Variants in SPRED1 observed in about 807,000 individuals in gnomAD.
SPRED1 encodes sprouty-related, EVH1 domain-containing protein 1.
SPRED1 carries 18 observed loss-of-function variants against 52.3 expected under a neutral mutation model. The ratio of observed to expected loss-of-function variants is 0.34; its 90% confidence interval spans 0.24 to 0.51. The LOEUF (loss-of-function observed/expected upper bound fraction) is 0.51. Ranked by LOEUF, SPRED1 falls within the 20% of genes least tolerant of loss-of-function variation. The probability of loss-of-function intolerance (pLI) is 0.97; values close to 1 mark genes in which losing one functional copy is unlikely to be tolerated. For missense variants in SPRED1, 485 were observed against 551.0 expected, an observed-to-expected ratio of 0.88 and a Z score of 1.20; for synonymous variants, 155 against 179.7, an observed-to-expected ratio of 0.86 and a Z score of 1.10.
At chr15:38,346,984 C>T (rs1000156833) in intron 5 of SPRED1, among the ~76,000 whole-genome samples, 2 of 152,102 alleles carry the variant, frequency 1.3e-5, no homozygotes, top group Admixed American at 6.6e-5. Context: ...ATTCTGGATT[C>T]AGATCTTTCT....
chr15:38,320,924 C>T (rs182554497), intron 2 of SPRED1, among the ~76,000 whole-genome samples: 28 of 152,200 alleles, frequency 1.8e-4, no homozygotes, highest in African/African-American at 5.5e-4. Context: ...TATAACTGTC[C>T]TGGAATGGAT....
chr15:38,271,918 A>G (rs1894443091), intron 1 of SPRED1, among the ~76,000 whole-genome samples: 2 of 152,076 alleles, frequency 1.3e-5, no homozygotes, highest in Non-Finnish European at 1.5e-5. Flanking sequence ...CCTTCCTGCC[A>G]TATAGTAGTC....
chr15:38,315,030 G>A (rs1895448541), intron 2 of SPRED1, among the ~76,000 whole-genome samples: 1 of 151,778 alleles, frequency 6.6e-6, no homozygotes, highest in African/African-American at 2.4e-5. Flanking sequence ...GTAAAAACAT[G>A]TATTTGATAA....
intron 2 of SPRED1, among the ~76,000 whole-genome samples, chr15:38,300,484 T>C (rs1177537680): frequency 1.3e-5 from 2 of 152,186 alleles, no homozygotes; most frequent in Non-Finnish European, 2.9e-5. Context: ...ATGAACAGTT[T>C]GAATATGACT....
chr15:38,309,206 TCTTGG>T (rs1895312988), intron 2 of SPRED1, among the ~76,000 whole-genome samples: 1 of 152,186 alleles, frequency 6.6e-6, no homozygotes, highest in African/African-American at 2.4e-5. Flanking sequence ...AGTGGCGTGA[TCTTGG>T]CTCGCTACAA....
At chr15:38,336,584 A>G (rs1027259110) in intron 4 of SPRED1, among the ~76,000 whole-genome samples, 4 of 151,510 alleles carry the variant, frequency 2.6e-5, no homozygotes, top group African/African-American at 9.7e-5. Flanking sequence ...CACACACACT[A>G]TGGAATACTA....
At chr15:38,316,746 A>ATT (rs1566865507) in intron 2 of SPRED1, among the ~76,000 whole-genome samples, 1 of 13,548 alleles carries the variant, frequency 7.4e-5, no homozygotes, top group African/African-American at 2.5e-4. Flanking sequence ...TTTCCATTAT[A>ATT]TGTTTTTTTT....
At chr15:38,319,562 G>A (rs1595745285) in intron 2 of SPRED1, among the ~76,000 whole-genome samples, 1 of 152,020 alleles carries the variant, frequency 6.6e-6, no homozygotes. Flanking sequence ...GTATTTTAGT[G>A]GAGACGGGTT....
In SPRED1 at chr15:38,353,323, A is replaced by C. The variant is rs113071870; in HGVS notation, c.*1659A>C. The C allele has an allele frequency of 1.0e-5, 1 of 97,902 alleles. No individual in the cohort carries two copies. The highest frequency in any genetic ancestry group is 2.4e-5 in the Non-Finnish European group (1 of 40,966). The allele number at this position is 97,902 out of a possible 1,614,324, so 6.1% of individuals were successfully genotyped here. A position where few individuals can be genotyped will look rare whatever the true frequency, so the allele number is the denominator to read the frequency against. The stretch of plus-strand genomic sequence containing the variant: ...CAAACTGAACAATGTATATAACACT[A>C]TCTGTCTGTAAAATACTTTTTTTAA... On this transcript the variant is annotated 3_prime_UTR_variant, in exon 7 of 7. Transcript: ENST00000299084.
At chr15:38,339,921 C>T (rs374835168) in intron 5 of SPRED1, 26 bp downstream of exon 5, 25 of 1,613,048 alleles carry the variant, frequency 1.5e-5, no homozygotes, top group Admixed American at 8.3e-5. Flanking sequence ...ATTTTTTCGG[C>T]GCGTTGTTTA....
intron 1 of SPRED1, among the ~76,000 whole-genome samples, chr15:38,283,045 A>G (rs1894724711): frequency 6.6e-6 from 1 of 152,292 alleles, no homozygotes; most frequent in South Asian, 2.1e-4. Context: ...GCTATAAAGA[A>G]TACTACTTGA....
intron 1 of SPRED1, among the ~76,000 whole-genome samples, chr15:38,262,584 T>A (rs1292397656): frequency 6.6e-6 from 1 of 152,160 alleles, no homozygotes; most frequent in Non-Finnish European, 1.5e-5. Context: ...GGAGGAGTTG[T>A]TAAGGAAAGT....
rs1595764301 is a variant in SPRED1, at chr15:38,351,970, A to G, written c.*306A>G. On this transcript the variant is annotated 3_prime_UTR_variant, in exon 7 of 7. Transcript: ENST00000299084. The stretch of plus-strand genomic sequence containing the variant: ...AGGGATTAATTTTTGGCATTTTTGT[A>G]TATTTATGCATTAGGTGATGGGACT... 2.4e-6 allele frequency: 1 copy of G among 414,530 alleles called. No homozygotes were observed. The highest frequency in any genetic ancestry group is 6.7e-4 in the Middle Eastern group (1 of 1,490). The allele number at this position is 414,530 out of a possible 1,614,324, so 25.7% of individuals were successfully genotyped here.
chr15:38,333,424 T>A (rs1895845512), intron 4 of SPRED1, among the ~76,000 whole-genome samples: 1 of 152,000 alleles, frequency 6.6e-6, no homozygotes, highest in South Asian at 2.1e-4. Flanking sequence ...AGGATGAAAA[T>A]CAGTAGGAAC....
At chr15:38,280,654 T>A (rs1384720329) in intron 1 of SPRED1, among the ~76,000 whole-genome samples, 1 of 152,222 alleles carries the variant, frequency 6.6e-6, no homozygotes, top group Non-Finnish European at 1.5e-5. Flanking sequence ...AGTGTACTAA[T>A]AGAGATAGTA....
In SPRED1 at chr15:38,351,906, T is replaced by G. The variant is rs1172082744; in HGVS notation, c.*242T>G. The G allele has an allele frequency of 3.4e-6, 2 of 584,974 alleles. No homozygotes were observed. Among genetic ancestry groups the G allele is most frequent in the African/African-American group, 3.7e-5 (2 of 53,574 alleles). 36.2% of individuals were successfully genotyped at this position (584,974 alleles called of 1,614,324 possible). A position where few individuals can be genotyped will look rare whatever the true frequency, so the allele number is the denominator to read the frequency against. ...CAGAAGGAAACCATTTCTGGTTATTTGGCTATAAAAAGTCAGCATAAAATA... is the reference window on the plus strand; with the variant it reads ...CAGAAGGAAACCATTTCTGGTTATTGGGCTATAAAAAGTCAGCATAAAATA... On this transcript the variant is annotated 3_prime_UTR_variant, in exon 7 of 7. Transcript: ENST00000299084.
chr15:38,322,791 T>G (rs920037120), intron 3 of SPRED1, among the ~76,000 whole-genome samples: 9 of 152,168 alleles, frequency 5.9e-5, no homozygotes, highest in Non-Finnish European at 1.0e-4. Flanking sequence ...GGTAATTATA[T>G]AGAACTTGTA....
Position 38,284,893 on chromosome 15 carries a change from C to T in SPRED1, c.33-14480C>T, listed in dbSNP as rs139499154. ...TTTTAAACCTATTTGTGGGCCTTGC[C>T]TCCAGAAATTTTGATTCAAAGTTTT... is the stretch of plus-strand genomic sequence containing the variant. On this transcript the variant is annotated intron_variant, in intron 1 of 6. Coordinates refer to ENST00000299084, the MANE Select transcript of SPRED1 (RefSeq NM_152594.3). Among the ~76,000 whole-genome samples the T allele has an allele frequency of 8.4e-4, 127 of 151,712 alleles. No homozygotes were observed. In the East Asian group the frequency reaches 0.016, roughly 19 times the overall value.
chr15:38,278,672 C>G (rs1354505686), intron 1 of SPRED1, among the ~76,000 whole-genome samples: 1 of 152,028 alleles, frequency 6.6e-6, no homozygotes, highest in Non-Finnish European at 1.5e-5. Flanking sequence ...ACACATCCTC[C>G]CATATACTTT....
Sources: gnomAD v4.1 joint callset for allele counts (sites outside exome capture counted in the v4.1 genomes callset) on GRCh38, gnomAD v4.1.1 for gene constraint, MANE v1.5 for transcripts, NCBI Gene and HGNC (gene_info 2026-07-23, HGNC 2026-07-21) for gene names.